Variants in SLC4A10 observed in about 807,000 individuals in gnomAD.
SLC4A10 encodes the protein solute carrier family 4 member 10, also known as sodium-driven chloride bicarbonate exchanger.
SLC4A10 carries 42 observed loss-of-function variants against 137.7 expected under a neutral mutation model. The observed-to-expected ratio is 0.30, with a 90% CI of 0.24 to 0.39. The LOEUF (loss-of-function observed/expected upper bound fraction) is 0.39. Among genes scored for constraint, SLC4A10 ranks in the 10% least tolerant of loss-of-function variants. The pLI is 1.00. For missense variants in SLC4A10, 925 were observed against 1,355.0 expected (o/e 0.68, Z 4.98); for synonymous variants, 474 against 464.1 (o/e 1.02, Z -0.27).
chr2:161,974,389 C>A, intron 24 of SLC4A10, 73 bp downstream of exon 24: 1 of 1,189,980 alleles, frequency 8.4e-7, no homozygotes. Context: ...GAATTTCATA[C>A]TGTGTAGATC....
chr2:161,801,593 A>G (rs2055369809), intron 2 of SLC4A10, among the ~76,000 whole-genome samples: 1 of 152,086 alleles, frequency 6.6e-6, no homozygotes. Flanking sequence ...AACTGATGCT[A>G]ACATTGCCAC....
intron 1 of SLC4A10, among the ~76,000 whole-genome samples, chr2:161,637,690 T>A (rs1376537432): frequency 6.6e-6 from 1 of 152,140 alleles, no homozygotes; most frequent in Non-Finnish European, 1.5e-5. Context: ...CTATTTTTAA[T>A]TTTTTGAGGA....
At chr2:161,772,479 G>T (rs1221347308) in intron 2 of SLC4A10, among the ~76,000 whole-genome samples, 1 of 151,752 alleles carries the variant, frequency 6.6e-6, no homozygotes, top group African/African-American at 2.4e-5. Flanking sequence ...CATTTACTGA[G>T]ATCATTTTAA....
At chr2:161,960,554 T>C (rs1696503502) in intron 21 of SLC4A10, among the ~76,000 whole-genome samples, 1 of 151,390 alleles carries the variant, frequency 6.6e-6, no homozygotes, top group Admixed American at 6.6e-5. Flanking sequence ...ATCTAGTCTC[T>C]ACTAAAAATA....
intron 1 of SLC4A10, among the ~76,000 whole-genome samples, chr2:161,754,356 A>G (rs961663823): frequency 3.3e-5 from 5 of 152,190 alleles, no homozygotes; most frequent in Non-Finnish European, 7.3e-5. Flanking sequence ...GAATTTTTCT[A>G]TAAAACAGCT....
chr2:161,853,095 AT>A (rs2059919964), intron 4 of SLC4A10, among the ~76,000 whole-genome samples: 1 of 152,212 alleles, frequency 6.6e-6, no homozygotes, highest in Non-Finnish European at 1.5e-5. Context: ...ATTTATATTT[AT>A]TAAAATCATA....
At chr2:161,765,108 A>G (rs1208097814) in intron 1 of SLC4A10, among the ~76,000 whole-genome samples, 3 of 152,126 alleles carry the variant, frequency 2.0e-5, no homozygotes, top group African/African-American at 4.8e-5. Flanking sequence ...GTATTTTCAA[A>G]TGGAGTAGAA....
chr2:161,884,765 A>T (rs2062101303), intron 10 of SLC4A10, among the ~76,000 whole-genome samples: 1 of 152,234 alleles, frequency 6.6e-6, no homozygotes, highest in Non-Finnish European at 1.5e-5. Flanking sequence ...TTACAACAGG[A>T]CATTGATTGA....
chr2:161,802,545 C>T (rs1157557703), intron 2 of SLC4A10, among the ~76,000 whole-genome samples: 2 of 152,054 alleles, frequency 1.3e-5, no homozygotes, highest in Non-Finnish European at 2.9e-5. Context: ...ATTTCAATTA[C>T]ATGTCTTCTG....
chr2:161,625,381 G>C (rs2032109628), intron 1 of SLC4A10, among the ~76,000 whole-genome samples: 1 of 151,688 alleles, frequency 6.6e-6, no homozygotes, highest in East Asian at 1.9e-4. Context: ...TTTCTGTCTG[G>C]AGCAGCTGCT....
intron 3 of SLC4A10, among the ~76,000 whole-genome samples, chr2:161,825,534 T>G (rs2057958887): frequency 6.6e-6 from 1 of 152,202 alleles, no homozygotes; most frequent in Non-Finnish European, 1.5e-5. Context: ...TGCTGAAATA[T>G]TCTCAGTGCT....
intron 11 of SLC4A10, 75 bp downstream of exon 11, chr2:161,894,900 T>C (rs2063289997): frequency 1.3e-6 from 1 of 784,672 alleles, no homozygotes; most frequent in South Asian, 6.1e-5. Context: ...TTTTATTTTA[T>C]TTATTTATTT....
chr2:161,699,365 C>CT (rs1312229787), intron 1 of SLC4A10, among the ~76,000 whole-genome samples: 1 of 151,902 alleles, frequency 6.6e-6, no homozygotes, highest in Non-Finnish European at 1.5e-5. Context: ...TGAAATTGTT[C>CT]TTTTATTTAC....
At chr2:161,808,320 G>A (rs188306684) in intron 3 of SLC4A10, among the ~76,000 whole-genome samples, 24 of 151,832 alleles carry the variant, frequency 1.6e-4, no homozygotes, top group African/African-American at 5.1e-4. Flanking sequence ...TCCTGACATT[G>A]AAGTGTTTAT....
At chr2:161,907,287 G>A (rs1304340464) in intron 15 of SLC4A10, among the ~76,000 whole-genome samples, 1 of 152,166 alleles carries the variant, frequency 6.6e-6, no homozygotes, top group Non-Finnish European at 1.5e-5. Context: ...AGGTGTCAGG[G>A]ACACTCAGAA....
At chr2:161,826,110 C>T (rs1341619288) in intron 3 of SLC4A10, among the ~76,000 whole-genome samples, 1 of 152,070 alleles carries the variant, frequency 6.6e-6, no homozygotes, top group Non-Finnish European at 1.5e-5. Context: ...ATAGATTGTG[C>T]ATGACATTCA....
rs113410565 is a variant in SLC4A10, at chr2:161,976,942, A to G, written c.3344+66A>G. ...TTGTTTTTTGACATAAACCATAAGCAAAAGAATAATATTAGTTTCCATCAA... is the reference window on the plus strand; with the variant it reads ...TTGTTTTTTGACATAAACCATAAGCGAAAGAATAATATTAGTTTCCATCAA... On this transcript the variant is annotated intron_variant, in intron 25 of 26. Transcript: ENST00000446997. 5.4e-3 allele frequency: 4,491 copies of G among 824,570 alleles called. 146 individuals carry two copies. In the African/African-American group the frequency reaches 0.07, roughly 13 times the overall value. 51.1% of individuals were successfully genotyped at this position (824,570 alleles called of 1,614,324 possible).
chr2:161,863,588 G>A (rs574570394), intron 6 of SLC4A10, among the ~76,000 whole-genome samples: 71 of 152,238 alleles, frequency 4.7e-4, no homozygotes, highest in Middle Eastern at 3.4e-3. Flanking sequence ...GGCTGATTCC[G>A]GTTCAAGGGC....
In SLC4A10 at chr2:161,700,699, G is replaced by T. The variant is rs549016212; in HGVS notation, c.49-70274G>T. Among the ~76,000 whole-genome samples, 7 of 152,202 alleles carry T rather than the reference G, an allele frequency of 4.6e-5. No individual in the cohort carries two copies. In the East Asian group the frequency reaches 1.4e-3, roughly 29 times the overall value. On this transcript the variant is annotated intron_variant, in intron 1 of 26. Transcript: ENST00000446997. ...AGGAAACTTAAGGTTGGAAGCTCAAGCAGCTTTGCTCATGGTTACTAATTG... is the reference window on the plus strand; with the variant it reads ...AGGAAACTTAAGGTTGGAAGCTCAATCAGCTTTGCTCATGGTTACTAATTG...
Sources: gnomAD v4.1 joint callset for allele counts (sites outside exome capture counted in the v4.1 genomes callset) on GRCh38, gnomAD v4.1.1 for gene constraint, MANE v1.5 for transcripts, NCBI Gene and HGNC (gene_info 2026-07-23, HGNC 2026-07-21) for gene names.